CACNG7: variants seen among roughly 807,000 people sequenced by gnomAD.
The protein encoded by CACNG7 is voltage-dependent calcium channel gamma-7 subunit.
In CACNG7, 9 loss-of-function variants were observed where a neutral mutation model predicts 26.3. That is an observed-to-expected ratio of 0.34 (90% CI 0.21 to 0.60). The LOEUF (loss-of-function observed/expected upper bound fraction) is 0.60, where lower values mean the gene tolerates loss of function less well. Among genes scored for constraint, CACNG7 ranks in the 20% least tolerant of loss-of-function variants. The pLI, the probability that CACNG7 is intolerant of heterozygous loss-of-function variation, is 0.81. For missense variants in CACNG7, 297 were observed against 380.4 expected, an observed-to-expected ratio of 0.78 and a Z score of 1.82; for synonymous variants, 170 against 157.0, an observed-to-expected ratio of 1.08 and a Z score of -0.62.
chr19:53,930,264 A>G (rs1389986314), intron 4 of CACNG7, among the ~76,000 whole-genome samples: 3 of 150,764 alleles, frequency 2.0e-5, no homozygotes, highest in African/African-American at 7.3e-5. Flanking sequence ...GCTGGAGTGC[A>G]ATGGTGCCAT....
At chr19:53,929,277 GGAGA>G (rs570036616) in intron 4 of CACNG7, among the ~76,000 whole-genome samples, 1 of 128,104 alleles carries the variant, frequency 7.8e-6, no homozygotes, top group Non-Finnish European at 1.5e-5. Flanking sequence ...AGAGAGAGAG[GGAGA>G]GAGAGAGAGG....
rs936108537 is a variant in CACNG7, at chr19:53,932,363, A to G, written c.425-9107A>G. Among the ~76,000 whole-genome samples, 4 of 152,092 alleles carry G rather than the reference A, an allele frequency of 2.6e-5. No individual in the cohort carries two copies. The East Asian group carries it at 5.8e-4, about 22-fold the overall frequency. On this transcript the variant is annotated intron_variant, in intron 4 of 5. Coordinates refer to ENST00000391767, the MANE Select transcript of CACNG7 (RefSeq NM_031896.5). ...TTTCAACAATTACCAACATATGGCA[A>G]ATCTGTTTTTAGTCATATTGCCATG...
chr19:53,935,441 G>T (rs561177242), intron 4 of CACNG7, among the ~76,000 whole-genome samples: 5 of 151,154 alleles, frequency 3.3e-5, no homozygotes, highest in Non-Finnish European at 5.9e-5. Flanking sequence ...TTGTGCCTCA[G>T]CCTCCCAAAT....
In CACNG7 at chr19:53,922,181, GCTGGTCATTGGTGGAGTTGCCCCAGGT is replaced by G. The variant is rs2068964109; in HGVS notation, c.424+6682_424+6708del. On this transcript the variant is annotated intron_variant, in intron 4 of 5. Transcript: ENST00000391767. Reference sequence around the variant, plus strand: ...CTGGTCATTGGTGGAGTTGTCCCAGGCTGGTCATTGGTGGAGTTGCCCCAGGTCTGGTATTGGTGGAGTTGTCCCCAG... The same window carrying G: ...CTGGTCATTGGTGGAGTTGTCCCAGGCTGGTATTGGTGGAGTTGTCCCCAG... 2.7e-5 allele frequency among the ~76,000 whole-genome samples: 3 copies of G among 112,266 alleles called. No individual in the cohort carries two copies. The South Asian group carries it at 9.3e-4, about 35-fold the overall frequency. The allele number at this position is 112,266 out of a possible 152,430, so 73.7% of individuals were successfully genotyped here.
At chr19:53,937,324 GATTTTGT>G (rs2069111114) in intron 4 of CACNG7, among the ~76,000 whole-genome samples, 1 of 152,198 alleles carries the variant, frequency 6.6e-6, no homozygotes, top group African/African-American at 2.4e-5. Flanking sequence ...ATCCGTGTGT[GATTTTGT>G]TAGATGCTAC....
intron 4 of CACNG7, among the ~76,000 whole-genome samples, chr19:53,920,725 G>A: frequency 1.8e-5 from 2 of 112,638 alleles, no homozygotes; most frequent in Non-Finnish European, 3.4e-5. Flanking sequence ...TGGTGGAGCT[G>A]TCCCAGGCTG....
At chr19:53,927,242 T>C (rs1413361105) in intron 4 of CACNG7, among the ~76,000 whole-genome samples, 2 of 152,090 alleles carry the variant, frequency 1.3e-5, no homozygotes, top group Non-Finnish European at 2.9e-5. Flanking sequence ...TTTTCAAACA[T>C]GTTCTTGTTT....
At chr19:53,924,292 G>A (rs2069001186) in intron 4 of CACNG7, among the ~76,000 whole-genome samples, 2 of 148,906 alleles carry the variant, frequency 1.3e-5, no homozygotes, top group Admixed American at 1.3e-4. Flanking sequence ...CCCCAGGTCT[G>A]GTCATTGGTG....
intron 4 of CACNG7, among the ~76,000 whole-genome samples, chr19:53,931,731 CACT>C (rs140824511): frequency 0.024 from 3,504 of 144,632 alleles, 210 homozygotes; most frequent in African/African-American, 0.086. Flanking sequence ...AGCCTAATTC[CACT>C]ACTATTTGTT....
rs1414321974 is a variant in CACNG7 at position 53,942,356 on chromosome 19, A to G, written c.*63A>G. 2 of 1,549,754 alleles carry G rather than the reference A, an allele frequency of 1.3e-6. No individual in the cohort carries two copies. Among genetic ancestry groups the G allele is most frequent in the East Asian group, 2.3e-5 (1 of 44,084 alleles). ...CCTCGTCTTAGGGGGGTCTCCCTGC[A>G]ATGCAGCGCCCCCTTCCGTCCTCGG... is the stretch of plus-strand genomic sequence containing the variant. On this transcript the variant is annotated 3_prime_UTR_variant, in exon 6 of 6. Transcript: ENST00000391767. The surrounding 1 kb of genome is among the most constrained non-coding windows in gnomAD (Gnocchi z 5.9).
Position 53,922,017 on chromosome 19 carries a change from G to T in CACNG7, c.424+6512G>T, listed in dbSNP as rs1404963797. 4.4e-5 allele frequency among the ~76,000 whole-genome samples: 4 copies of T among 91,698 alleles called. No homozygotes were observed. The East Asian group carries it at 8.0e-4, about 18-fold the overall frequency. The allele number at this position is 91,698 out of a possible 152,430, so 60.2% of individuals were successfully genotyped here. A position where few individuals can be genotyped will look rare whatever the true frequency, so the allele number is the denominator to read the frequency against. On this transcript the variant is annotated intron_variant, in intron 4 of 5. Coordinates refer to ENST00000391767, the MANE Select transcript of CACNG7 (RefSeq NM_031896.5). ...CTGGTCATTGGTGGAGTTGTCCCCA[G>T]GTCTGGTCATTGGTGGAGTTGTCCC...
intron 4 of CACNG7, among the ~76,000 whole-genome samples, chr19:53,919,316 GC>G (rs1388117799): frequency 1.3e-5 from 2 of 152,220 alleles, no homozygotes; most frequent in African/African-American, 4.8e-5. Flanking sequence ...GACAGGGATT[GC>G]CCCAGACCTG....
chr19:53,941,488 G>A lies in CACNG7; in HGVS notation c.443G>A (p.Gly148Asp). 4 of 1,582,440 alleles carry A rather than the reference G, an allele frequency of 2.5e-6. No homozygotes were observed. The highest frequency in any genetic ancestry group is 2.6e-6 in the Non-Finnish European group (3 of 1,168,316). Residue 148 changes from glycine to aspartate, a missense_variant, in exon 5 of 6, where the codon GGC (glycine) becomes GAC (aspartate). By Grantham distance (94) the Gly-to-Asp change is moderately conservative. Transcript: ENST00000391767. Reference protein sequence around the residue: ...FILSGLSLVVGLVLYISSIND... With the variant: ...FILSGLSLVVDLVLYISSIND... Reference sequence around the variant, plus strand: ...CCCCTAGGCCTCTCCTTGGTGGTGGGCTTGGTTCTTTACATCTCCAGCATC... The same window carrying A: ...CCCCTAGGCCTCTCCTTGGTGGTGGACTTGGTTCTTTACATCTCCAGCATC...
At chr19:53,931,651 G>GCAT (rs2069072037) in intron 4 of CACNG7, among the ~76,000 whole-genome samples, 1 of 124,290 alleles carries the variant, frequency 8.0e-6, no homozygotes, top group South Asian at 2.5e-4. Context: ...TCACACCACT[G>GCAT]CATCCAGCCT....
intron 4 of CACNG7, among the ~76,000 whole-genome samples, chr19:53,919,848 C>G (rs1206687518): frequency 4.2e-5 from 6 of 143,574 alleles, no homozygotes; most frequent in Non-Finnish European, 9.1e-5. Context: ...TGGAGTTGCC[C>G]CAGGCTGGTC....
rs186345461 is a variant in CACNG7, at chr19:53,936,824, G to T, written c.425-4646G>T. Among the ~76,000 whole-genome samples the T allele has an allele frequency of 2.5e-3, 388 of 152,252 alleles. 1 individual carries two copies. The highest frequency in any genetic ancestry group is 9.1e-3 in the African/African-American group (377 of 41,532). ...AGGTTTCACCATGTTGGCCAGGCTG[G>T]TCTCAAACTCCTGACCTTAAGTGAT... On this transcript the variant is annotated intron_variant, in intron 4 of 5. Transcript: ENST00000391767.
In CACNG7 at chr19:53,914,496, C is replaced by T; in HGVS notation, c.197-4C>T. On this transcript the variant is annotated splice_polypyrimidine_tract_variant and splice_region_variant and intron_variant, in intron 2 of 5. Transcript: ENST00000391767. ...CCAGCCCTGTCTGTTTCTCTTCCCC[C>T]CAGGTCGGGAGAAAGGTCGCTGTGT... 5 of 1,613,770 alleles carry T rather than the reference C, an allele frequency of 3.1e-6. No individual in the cohort carries two copies. Among genetic ancestry groups the T allele is most frequent in the Non-Finnish European group, 4.2e-6 (5 of 1,179,762 alleles).
At chr19:53,923,689 G>A (rs2068989216) in intron 4 of CACNG7, among the ~76,000 whole-genome samples, 1 of 133,448 alleles carries the variant, frequency 7.5e-6, no homozygotes, top group South Asian at 2.4e-4. Flanking sequence ...GTTGTCCCAG[G>A]CCTGGTCATT....
chr19:53,917,219 C>A (rs1334932247), intron 4 of CACNG7, among the ~76,000 whole-genome samples: 2 of 152,198 alleles, frequency 1.3e-5, no homozygotes, highest in Non-Finnish European at 2.9e-5. Flanking sequence ...CTCCATCCAT[C>A]CAACCCAGCT....
Sources: allele counts gnomAD v4.1 joint callset (sites outside exome capture counted in the v4.1 genomes callset), GRCh38; gene constraint gnomAD v4.1.1; non-coding constraint Gnocchi (gnomAD v3.1); transcripts MANE v1.5; gene names NCBI Gene and HGNC (gene_info 2026-07-23, HGNC 2026-07-21).